ARFGEF3: variants seen among roughly 807,000 people sequenced by gnomAD.
The protein encoded by ARFGEF3 is brefeldin A-inhibited guanine nucleotide-exchange protein 3.
In ARFGEF3, 96 loss-of-function variants were observed where a neutral mutation model predicts 221.7. That is an observed-to-expected ratio of 0.43 (90% CI 0.37 to 0.51). ARFGEF3 has a LOEUF of 0.51. ARFGEF3 is among the 20% of genes least tolerant of loss of function. The pLI, the probability that ARFGEF3 is intolerant of heterozygous loss-of-function variation, is 0.00. For synonymous variants in ARFGEF3, 1,145 were observed against 1,126.8 expected (o/e 1.02, Z -0.32); for missense variants, 2,410 against 2,789.9 (o/e 0.86, Z 3.07).
intron 14 of ARFGEF3, 125 bp downstream of exon 14, chr6:138,280,289 T>A: frequency 1.1e-6 from 1 of 875,968 alleles, no homozygotes; most frequent in Non-Finnish European, 1.8e-6. Context: ...AAAGCTTCCC[T>A]GGCAATGGTG....
chr6:138,311,581 G>A (rs1363260075), intron 25 of ARFGEF3, 71 bp downstream of exon 25: 3 of 1,058,666 alleles, frequency 2.8e-6, no homozygotes, highest in Admixed American at 4.1e-5. Flanking sequence ...AACATGCGTG[G>A]GGGGTCTTTT....
chr6:138,294,093 A>C lies in ARFGEF3; in HGVS notation c.3469A>C (p.Thr1157Pro), dbSNP rs1779464061. 1.2e-6 allele frequency: 2 copies of C among 1,613,948 alleles called. No individual in the cohort carries two copies. Among genetic ancestry groups the C allele is most frequent in the Non-Finnish European group, 1.7e-6 (2 of 1,179,872 alleles). Residue 1157 changes from threonine (T) to proline (P), a missense_variant, in exon 20 of 34, where the codon ACA (threonine) becomes CCA (proline). Coordinates refer to ENST00000251691, the MANE Select transcript of ARFGEF3 (RefSeq NM_020340.5). ...ASQSQLFHSV[T>P]DTVDYSLAMP... ...GCAGTCTCAGCTTTTCCATTCTGTT[A>C]CAGATACAGTTGATTACTCTCTGGC...
At chr6:138,327,394 A>T (rs1486706423) in intron 31 of ARFGEF3, among the ~76,000 whole-genome samples, 1 of 152,212 alleles carries the variant, frequency 6.6e-6, no homozygotes, top group Non-Finnish European at 1.5e-5. Context: ...GGCTGCAGTG[A>T]GCCATGATCA....
Position 138,245,584 on chromosome 6 carries a change from G to A in ARFGEF3, c.658G>A (p.Ala220Thr), listed in dbSNP as rs557172571. 64 of 1,606,768 alleles carry A rather than the reference G, an allele frequency of 4.0e-5. No individual in the cohort carries two copies. The South Asian group carries it at 4.4e-4, about 11-fold the overall frequency. The part of the protein sequence containing the change: ...LTVLCEKLQA[A>T]INDSQQLQLL... The stretch of plus-strand genomic sequence containing the variant: ...CGTCCTGTGTGAGAAGCTGCAAGCC[G>A]CCATAAAGTAAGTGCCCTAACCACT... Residue 220 changes from alanine (A) to threonine (T), a missense_variant, in exon 8 of 34, where the codon GCC becomes ACC. This residue lies in a region of ARFGEF3 where 570 missense variants were observed against 586.9 expected (regional missense o/e 0.97). Coordinates refer to ENST00000251691, the MANE Select transcript of ARFGEF3 (RefSeq NM_020340.5).
chr6:138,203,578 T>G (rs923149964), intron 2 of ARFGEF3, among the ~76,000 whole-genome samples: 1 of 152,256 alleles, frequency 6.6e-6, no homozygotes, highest in Non-Finnish European at 1.5e-5. Context: ...GATGGTTGAA[T>G]GATGGAGTGC....
At position 138,209,982 on chromosome 6, in the gene ARFGEF3, C is replaced by T. The variant is rs1012734319; in HGVS notation, c.292C>T (p.Leu98=). 6 of 1,613,910 alleles carry T rather than the reference C, an allele frequency of 3.7e-6. No homozygotes were observed. Among genetic ancestry groups the T allele is most frequent in the African/African-American group, 1.3e-5 (1 of 75,036 alleles). Residue 98 remains leucine (L), a synonymous_variant, in exon 4 of 34, where the codon CTG becomes TTG. Coordinates refer to ENST00000251691, the MANE Select transcript of ARFGEF3 (RefSeq NM_020340.5). Reference sequence around the variant, plus strand: ...TGAGAAGCAGCTGCTCAATCAGATACTGAATGCCGTGAAAGTGACGCCTTC... The same window carrying T: ...TGAGAAGCAGCTGCTCAATCAGATATTGAATGCCGTGAAAGTGACGCCTTC... ...SDEKQLLNQI[L]NAVKVTPSLN...
Position 138,238,624 on chromosome 6 carries a change from A to T in ARFGEF3, c.536A>T (p.Glu179Val). 2 of 1,613,484 alleles carry T rather than the reference A, an allele frequency of 1.2e-6. No homozygotes were observed. The highest frequency in any genetic ancestry group is 1.7e-6 in the Non-Finnish European group (2 of 1,179,612). The change falls in exon 6 of 34, where the codon GAG becomes GTG. Residue 179 changes from glutamate to valine, a missense_variant. This residue lies in a region of ARFGEF3 where 570 missense variants were observed against 586.9 expected (regional missense o/e 0.97). Transcript: ENST00000251691. ...DLTLQLRQRQENTIIENPDVP... is the reference protein window; with the variant it reads ...DLTLQLRQRQVNTIIENPDVP... The stretch of plus-strand genomic sequence containing the variant: ...ACTTTACAGTTACGACAGAGGCAGG[A>T]GAATACGGTGAGTCTGTGACACCCC...
chr6:138,204,593 G>A (rs1356809455), intron 2 of ARFGEF3, among the ~76,000 whole-genome samples: 1 of 152,096 alleles, frequency 6.6e-6, no homozygotes, highest in Non-Finnish European at 1.5e-5. Context: ...TGGAATGCAT[G>A]GTCTAAAATA....
rs919541935 is a variant in ARFGEF3, at chr6:138,162,926, TG to T, written c.85+756del. Among the ~76,000 whole-genome samples, 25 of 152,192 alleles carry T rather than the reference TG, an allele frequency of 1.6e-4. No individual in the cohort carries two copies. The highest frequency in any genetic ancestry group is 6.0e-4 in the African/African-American group (25 of 41,448). On this transcript the variant is annotated intron_variant, in intron 1 of 33. Transcript: ENST00000251691. This position sits in a 1 kb window ranked among gnomAD's most constrained non-coding sequence, Gnocchi z 4.7. ...ATCAGAAGCATACTTTGGGTGATGGTGATGCTTTTTAGAAAGGAAAGGCCAA... is the reference window on the plus strand; with the variant it reads ...ATCAGAAGCATACTTTGGGTGATGGTATGCTTTTTAGAAAGGAAAGGCCAA...
intron 10 of ARFGEF3, among the ~76,000 whole-genome samples, chr6:138,259,192 A>G (rs909869568): frequency 6.6e-6 from 1 of 152,220 alleles, no homozygotes; most frequent in African/African-American, 2.4e-5. Context: ...CAAAATGTGC[A>G]GGGCTTGTGC....
intron 4 of ARFGEF3, among the ~76,000 whole-genome samples, chr6:138,210,854 G>T (rs1009609655): frequency 2.0e-5 from 3 of 152,074 alleles, no homozygotes; most frequent in African/African-American, 7.2e-5. Flanking sequence ...TTTTTGTCTT[G>T]GATAAGAGAC....
chr6:138,195,140 C>CTA (rs772284953), intron 2 of ARFGEF3, among the ~76,000 whole-genome samples: 34 of 151,184 alleles, frequency 2.2e-4, no homozygotes, highest in Admixed American at 1.5e-3. Context: ...GTAGCTGGGA[C>CTA]TACAGGTGCA....
In ARFGEF3 at chr6:138,334,144, C is replaced by T; in HGVS notation, c.5298C>T (p.Asn1766=). 3.7e-6 allele frequency: 6 copies of T among 1,613,986 alleles called. No individual in the cohort carries two copies. Among genetic ancestry groups the T allele is most frequent in the Non-Finnish European group, 5.1e-6 (6 of 1,179,888 alleles). ...TCCTCAGATACATCTCTATGCAGAACTTGGCAGTCATATTCGACCTGCTGC... is the reference window on the plus strand; with the variant it reads ...TCCTCAGATACATCTCTATGCAGAATTTGGCAGTCATATTCGACCTGCTGC... ...AGFLRYISMQ[N]LAVIFDLLLD... Residue 1766 remains asparagine (N), a synonymous_variant, in exon 33 of 34, where the codon AAC becomes AAT. Coordinates refer to ENST00000251691, the MANE Select transcript of ARFGEF3 (RefSeq NM_020340.5). This position sits in a 1 kb window ranked among gnomAD's most constrained non-coding sequence, Gnocchi z 5.1.
intron 2 of ARFGEF3, among the ~76,000 whole-genome samples, chr6:138,171,935 A>G (rs1348837141): frequency 1.3e-5 from 2 of 152,228 alleles, no homozygotes; most frequent in South Asian, 2.1e-4. Flanking sequence ...TTGAGATTAT[A>G]AAGTATATTG....
chr6:138,188,863 C>T (rs962884668), intron 2 of ARFGEF3, among the ~76,000 whole-genome samples: 4 of 152,196 alleles, frequency 2.6e-5, no homozygotes, highest in Non-Finnish European at 2.9e-5. Flanking sequence ...AGTAAGGAAC[C>T]AGCCCAACCT....
At chr6:138,193,136 G>C (rs1337203550) in intron 2 of ARFGEF3, among the ~76,000 whole-genome samples, 3 of 152,110 alleles carry the variant, frequency 2.0e-5, no homozygotes, top group Non-Finnish European at 4.4e-5. Flanking sequence ...TCTTCCCACT[G>C]TGACTTCCCT....
rs865850946 is a variant in ARFGEF3 at position 138,296,887 on chromosome 6, C to T, written c.3580C>T (p.Arg1194Trp). 3.1e-6 allele frequency: 5 copies of T among 1,613,984 alleles called. No individual in the cohort carries two copies. The highest frequency in any genetic ancestry group is 4.2e-6 in the Non-Finnish European group (5 of 1,179,884). ...RLGNAMLRIV[R>W]SKARPLLHVM... is the part of the protein sequence containing the mutation. ...GGGGAATGCCATGCTGAGGATTGTGCGGAGCAAAGCACGGCCCCTGCTCCA... is the reference window on the plus strand; with the variant it reads ...GGGGAATGCCATGCTGAGGATTGTGTGGAGCAAAGCACGGCCCCTGCTCCA... The change falls in exon 21 of 34, where the codon CGG becomes TGG. Residue 1194 changes from arginine (R) to tryptophan (W), a missense_variant. Physicochemically the swap from Arg to Trp is moderately radical, Grantham distance 101. This residue lies in a region of ARFGEF3 where 723 missense variants were observed against 991.9 expected (regional missense o/e 0.73). Coordinates refer to ENST00000251691, the MANE Select transcript of ARFGEF3 (RefSeq NM_020340.5).
intron 4 of ARFGEF3, among the ~76,000 whole-genome samples, chr6:138,223,522 T>G (rs1778019984): frequency 6.6e-6 from 1 of 152,200 alleles, no homozygotes; most frequent in African/African-American, 2.4e-5. Context: ...AAATAACATC[T>G]GATATTTTGA....
At chr6:138,172,576 T>C (rs1776857218) in intron 2 of ARFGEF3, among the ~76,000 whole-genome samples, 1 of 152,236 alleles carries the variant, frequency 6.6e-6, no homozygotes, top group African/African-American at 2.4e-5. Context: ...TTTTAACTTC[T>C]TGGCTTTCAG....
Sources: allele counts gnomAD v4.1 joint callset (sites outside exome capture counted in the v4.1 genomes callset), GRCh38; gene constraint gnomAD v4.1.1; regional missense constraint gnomAD v4.1.1; non-coding constraint Gnocchi (gnomAD v3.1); transcripts MANE v1.5; gene names NCBI Gene and HGNC (gene_info 2026-07-23, HGNC 2026-07-21).